The following GPR137B variants were observed in gnomAD, a reference collection of about 807,000 sequenced individuals.
GPR137B encodes G protein-coupled receptor 137B, also known as integral membrane protein GPR137B.
A neutral mutation model predicts 42.5 loss-of-function variants in GPR137B; 42 were observed. The observed-to-expected ratio is 0.99, with a 90% CI of 0.77 to 1.28. GPR137B has a LOEUF of 1.28. GPR137B is among the 50% of genes most tolerant of loss of function. The pLI is 0.00. For missense variants in GPR137B, 487 were observed against 493.9 expected, an observed-to-expected ratio of 0.99 and a Z score of 0.13; for synonymous variants, 218 against 209.7, an observed-to-expected ratio of 1.04 and a Z score of -0.34.
intron 1 of GPR137B, among the ~76,000 whole-genome samples, chr1:236,161,300 C>G (rs1224024888): frequency 6.6e-6 from 1 of 152,122 alleles, no homozygotes; most frequent in East Asian, 1.9e-4. Context: ...CCTGGCTGGT[C>G]CACACCCCAG....
intron 2 of GPR137B, among the ~76,000 whole-genome samples, chr1:236,176,012 CAA>C (rs1313322483): frequency 1.3e-5 from 2 of 152,006 alleles, no homozygotes; most frequent in African/African-American, 2.4e-5. Flanking sequence ...AAACATGAAG[CAA>C]AGAGTGTGTC....
intron 5 of GPR137B, among the ~76,000 whole-genome samples, chr1:236,199,655 C>T (rs1389263806): frequency 6.6e-6 from 1 of 151,896 alleles, no homozygotes. Context: ...TAAAGGTGTT[C>T]GTAGTAACCT....
intron 1 of GPR137B, among the ~76,000 whole-genome samples, chr1:236,146,898 T>C (rs1357829242): frequency 6.6e-6 from 1 of 152,120 alleles, no homozygotes; most frequent in East Asian, 1.9e-4. Context: ...AACCTCCGCC[T>C]CCCAGATTCA....
intron 6 of GPR137B, 66 bp from the exon 7 acceptor site, chr1:236,207,983 TA>T: frequency 8.5e-7 from 1 of 1,171,930 alleles, no homozygotes; most frequent in South Asian, 1.3e-5. Context: ...TCTGTCTACC[TA>T]AACTAGACTA....
intron 5 of GPR137B, among the ~76,000 whole-genome samples, chr1:236,204,097 G>A (rs951675913): frequency 1.0e-4 from 15 of 150,096 alleles, no homozygotes; most frequent in Admixed American, 3.3e-4. Flanking sequence ...TTCTTTCCCC[G>A]GTTTGAGGGT....
chr1:236,166,493 CAT>C (rs1030887255), intron 1 of GPR137B, among the ~76,000 whole-genome samples: 422 of 136,946 alleles, frequency 3.1e-3, no homozygotes, highest in Non-Finnish European at 4.0e-3. Context: ...TTTATATATA[CAT>C]ATATATATTT....
chr1:236,165,902 A>G (rs1367365454), intron 1 of GPR137B, among the ~76,000 whole-genome samples: 1 of 152,208 alleles, frequency 6.6e-6, no homozygotes, highest in African/African-American at 2.4e-5. Flanking sequence ...GCCTCAGAAT[A>G]AATTCTTACA....
intron 2 of GPR137B, among the ~76,000 whole-genome samples, chr1:236,175,068 T>G (rs1662646509): frequency 1.3e-5 from 2 of 152,222 alleles, no homozygotes; most frequent in Non-Finnish European, 2.9e-5. Flanking sequence ...GGCTCTCAGC[T>G]GTAATCCCAG....
At chr1:236,168,625 A>G (rs947241270) in intron 1 of GPR137B, 81 bp from the exon 2 acceptor site, 4 of 1,027,290 alleles carry the variant, frequency 3.9e-6, no homozygotes, top group Non-Finnish European at 6.2e-6. Context: ...ATGAAGGGGC[A>G]GAGGAATTCC....
rs185096253 is a variant in GPR137B, at chr1:236,145,946, C to T, written c.414+2910C>T. 7.0e-3 allele frequency among the ~76,000 whole-genome samples: 1,070 copies of T among 152,236 alleles called. 14 individuals are homozygous for T. Among genetic ancestry groups the T allele is most frequent in the African/African-American group, 0.024 (987 of 41,526 alleles). Reference sequence around the variant, plus strand: ...GATCTGGGTTCACTGCAACCTCTGCCTCCTGGATTCAAGCGATTCTCCTGC... The same window carrying T: ...GATCTGGGTTCACTGCAACCTCTGCTTCCTGGATTCAAGCGATTCTCCTGC... On this transcript the variant is annotated intron_variant, in intron 1 of 6. Coordinates refer to ENST00000366592, the MANE Select transcript of GPR137B (RefSeq NM_003272.4).
chr1:236,164,901 AG>A (rs1285254901), intron 1 of GPR137B, among the ~76,000 whole-genome samples: 7 of 118,104 alleles, frequency 5.9e-5, no homozygotes, highest in African/African-American at 5.0e-4. Context: ...AGAGAGAGAG[AG>A]AGAGAGAGAG....
chr1:236,186,905 G>C (rs553572043), intron 5 of GPR137B, among the ~76,000 whole-genome samples: 104 of 152,268 alleles, frequency 6.8e-4, no homozygotes, highest in African/African-American at 2.3e-3. Flanking sequence ...TCTAGTTCTA[G>C]ATCCTTGAGG....
intron 5 of GPR137B, among the ~76,000 whole-genome samples, chr1:236,190,127 G>A (rs1663144509): frequency 6.7e-6 from 1 of 148,656 alleles, no homozygotes; most frequent in African/African-American, 2.5e-5. Context: ...TCAGAGATTA[G>A]GACTGCAACT....
chr1:236,160,684 C>T (rs1662164366), intron 1 of GPR137B, among the ~76,000 whole-genome samples: 1 of 152,190 alleles, frequency 6.6e-6, no homozygotes, highest in Admixed American at 6.5e-5. Context: ...CCACTTCCTC[C>T]TGCTGCCATC....
intron 6 of GPR137B, among the ~76,000 whole-genome samples, chr1:236,206,481 G>A (rs1456373913): frequency 2.6e-5 from 4 of 152,094 alleles, no homozygotes; most frequent in Non-Finnish European, 4.4e-5. Context: ...ATCTACATGC[G>A]GATCTGGCCC....
chr1:236,142,548 C>T lies in GPR137B; in HGVS notation c.-75C>T, dbSNP rs1252080073. The T allele has an allele frequency of 5.2e-6, 4 of 769,202 alleles. No homozygotes were observed. The highest frequency in any genetic ancestry group is 7.1e-6 in the Non-Finnish European group (4 of 560,660). 47.6% of individuals were successfully genotyped at this position (769,202 alleles called of 1,614,324 possible). ...GGAGGAAGTGCGGCTTGTTTTCTTT[C>T]CTCCAGTCTCGGGGCTGCAGGCTGA... On this transcript the variant is annotated 5_prime_UTR_variant, in exon 1 of 7. Coordinates refer to ENST00000366592, the MANE Select transcript of GPR137B (RefSeq NM_003272.4).
At chr1:236,161,771 G>C (rs997247838) in intron 1 of GPR137B, among the ~76,000 whole-genome samples, 2 of 151,920 alleles carry the variant, frequency 1.3e-5, no homozygotes, top group Non-Finnish European at 2.9e-5. Context: ...TTCTCTTGCC[G>C]CCGCCATGTA....
At chr1:236,157,361 C>G (rs1454427963) in intron 1 of GPR137B, among the ~76,000 whole-genome samples, 2 of 152,204 alleles carry the variant, frequency 1.3e-5, no homozygotes, top group African/African-American at 4.8e-5. Context: ...GTGGCTGGGA[C>G]TACAGGCGCC....
intron 3 of GPR137B, among the ~76,000 whole-genome samples, chr1:236,179,138 A>G (rs1662795690): frequency 6.6e-6 from 1 of 151,912 alleles, no homozygotes; most frequent in Non-Finnish European, 1.5e-5. Flanking sequence ...TTTTAATAGG[A>G]AGGGTTGAAT....
Sources: allele counts gnomAD v4.1 joint callset (sites outside exome capture counted in the v4.1 genomes callset), GRCh38; gene constraint gnomAD v4.1.1; transcripts MANE v1.5; gene names NCBI Gene and HGNC (gene_info 2026-07-23, HGNC 2026-07-21).